Variants in EPDR1 observed in about 807,000 individuals in gnomAD.
EPDR1 encodes mammalian ependymin-related protein 1.
EPDR1 carries 27 observed loss-of-function variants against 23.7 expected under a neutral mutation model. The ratio of observed to expected loss-of-function variants is 1.14; its 90% CI spans 0.84 to 1.57. The LOEUF is 1.57. Among genes scored for constraint, EPDR1 ranks in the 40% most tolerant of loss-of-function variants. The probability of loss-of-function intolerance (pLI) is 0.00; values close to 1 mark genes in which losing one functional copy is unlikely to be tolerated. For synonymous variants in EPDR1, 137 were observed against 118.2 expected (o/e 1.16, Z -1.03); for missense variants, 349 against 290.4 (o/e 1.20, Z -1.47).
At chr7:37,950,073 G>A in intron 2 of EPDR1, 127 bp from the exon 3 acceptor site, 3 of 658,362 alleles carry the variant, frequency 4.6e-6, no homozygotes, top group Non-Finnish European at 7.5e-6. Flanking sequence ...ATGTACTCAA[G>A]GCCACCAAAC....
At chr7:37,923,089 T>C (rs1479126783) in intron 1 of EPDR1, among the ~76,000 whole-genome samples, 2 of 152,170 alleles carry the variant, frequency 1.3e-5, no homozygotes, top group Non-Finnish European at 2.9e-5. Flanking sequence ...GCCCAGGACA[T>C]GGCGAAGGGT....
At chr7:37,933,182 C>T (rs1271056001) in intron 1 of EPDR1, among the ~76,000 whole-genome samples, 2 of 152,240 alleles carry the variant, frequency 1.3e-5, no homozygotes, top group Non-Finnish European at 2.9e-5. Context: ...GGCAAGTGGC[C>T]GCGGCTCAAT....
intron 1 of EPDR1, chr7:37,926,679 C>T: frequency 2.2e-6 from 1 of 453,704 alleles, no homozygotes; most frequent in Non-Finnish European, 4.4e-6. Context: ...AAGTTACTTA[C>T]CTTTGGCAGG....
intron 2 of EPDR1, 65 bp from the exon 3 acceptor site, chr7:37,950,132 CCAT>C: frequency 8.3e-7 from 1 of 1,202,678 alleles, no homozygotes; most frequent in Non-Finnish European, 1.2e-6. Flanking sequence ...CATTTTACCA[CCAT>C]AAGAAAAAAT....
chr7:37,929,814 C>A (rs946073372), intron 1 of EPDR1, among the ~76,000 whole-genome samples: 5 of 152,186 alleles, frequency 3.3e-5, no homozygotes, highest in African/African-American at 4.8e-5. Context: ...GCCCATGAGC[C>A]ACTCCCCCAC....
chr7:37,943,528 A>G (rs1282481085), intron 1 of EPDR1, among the ~76,000 whole-genome samples: 3 of 152,236 alleles, frequency 2.0e-5, no homozygotes, highest in Non-Finnish European at 2.9e-5. Context: ...CCACTACAGT[A>G]TCATTAAAAT....
At chr7:37,922,214 G>T (rs186915038) in intron 1 of EPDR1, among the ~76,000 whole-genome samples, 1 of 152,112 alleles carries the variant, frequency 6.6e-6, no homozygotes, top group African/African-American at 2.4e-5. Context: ...TATAGCAAAA[G>T]GGCACCATTA....
chr7:37,948,342 A>ATTT (rs56967310), intron 1 of EPDR1, among the ~76,000 whole-genome samples: 2 of 135,606 alleles, frequency 1.5e-5, no homozygotes. Context: ...TTTGACCTCA[A>ATTT]TTTTTTTTTT....
chr7:37,935,301 A>G (rs1562860095), intron 1 of EPDR1, among the ~76,000 whole-genome samples: 1 of 152,176 alleles, frequency 6.6e-6, no homozygotes. Context: ...TCTGTCCTTC[A>G]TCTCTCTATC....
chr7:37,947,702 A>C (rs1268977997), intron 1 of EPDR1, among the ~76,000 whole-genome samples: 2 of 152,172 alleles, frequency 1.3e-5, no homozygotes, highest in African/African-American at 4.8e-5. Context: ...CATTTTCTTG[A>C]CCAGCAGCTG....
At chr7:37,927,318 A>G (rs1562857235) in intron 1 of EPDR1, among the ~76,000 whole-genome samples, 1 of 152,196 alleles carries the variant, frequency 6.6e-6, no homozygotes. Context: ...GTTCTAATCC[A>G]TACAGGTGTT....
intron 1 of EPDR1, among the ~76,000 whole-genome samples, chr7:37,922,125 C>T (rs1300459068): frequency 6.6e-6 from 1 of 152,150 alleles, no homozygotes; most frequent in Non-Finnish European, 1.5e-5. Flanking sequence ...CTCTCACTGG[C>T]CTCTCTTTAT....
chr7:37,949,323 G>A (rs573883547), intron 2 of EPDR1, among the ~76,000 whole-genome samples: 8 of 152,216 alleles, frequency 5.3e-5, no homozygotes, highest in Non-Finnish European at 8.8e-5. Context: ...TGGTCGTCCC[G>A]AGGTCTGTGA....
intron 1 of EPDR1, among the ~76,000 whole-genome samples, chr7:37,942,603 A>G: frequency 6.6e-6 from 1 of 152,224 alleles, no homozygotes; most frequent in East Asian, 1.9e-4. Flanking sequence ...CCACAATTAA[A>G]ACATAAAAAT....
intron 1 of EPDR1, chr7:37,926,738 G>C: frequency 2.2e-6 from 1 of 451,342 alleles, no homozygotes. Context: ...TGTTCACTTT[G>C]ATCACCTGAT....
intron 1 of EPDR1, among the ~76,000 whole-genome samples, chr7:37,944,186 A>C (rs1246984958): frequency 6.6e-6 from 1 of 152,228 alleles, no homozygotes; most frequent in Non-Finnish European, 1.5e-5. Context: ...AGAGCCCAGG[A>C]AATGAACAGC....
intron 1 of EPDR1, chr7:37,926,565 C>T: frequency 2.8e-6 from 1 of 363,094 alleles, no homozygotes; most frequent in Middle Eastern, 4.5e-4. Flanking sequence ...GGAATAGTTC[C>T]TAAGTCTTCC....
chr7:37,951,206 G>T lies in EPDR1; in HGVS notation c.*810G>T. On this transcript the variant is annotated 3_prime_UTR_variant, in exon 3 of 3. Coordinates refer to ENST00000199448, the MANE Select transcript of EPDR1 (RefSeq NM_017549.5). The stretch of plus-strand genomic sequence containing the variant: ...GTATTCTAAAATAGCACTGAACAGG[G>T]AGTCAGGAGACTATTGTCTCCTAAA... The T allele has an allele frequency of 6.6e-6, 1 of 152,166 alleles. No individual in the cohort carries two copies. Among genetic ancestry groups the T allele is most frequent in the East Asian group, 1.9e-4 (1 of 5,200 alleles). The allele number at this position is 152,166 out of a possible 1,614,324, so 9.4% of individuals were successfully genotyped here.
intron 1 of EPDR1, among the ~76,000 whole-genome samples, chr7:37,943,319 C>A (rs1218156284): frequency 1.3e-5 from 2 of 152,204 alleles, no homozygotes; most frequent in South Asian, 2.1e-4. Context: ...CTCCAGGAAT[C>A]CAATTCCTCT....
Sources: allele counts gnomAD v4.1 joint callset (sites outside exome capture counted in the v4.1 genomes callset), GRCh38; gene constraint gnomAD v4.1.1; transcripts MANE v1.5; gene names NCBI Gene and HGNC (gene_info 2026-07-23, HGNC 2026-07-21).